Variants in CGAS observed in about 807,000 individuals in gnomAD.
CGAS encodes cyclic GMP-AMP synthase, also known as 2'3'-cGAMP synthase.
A neutral mutation model predicts 34.0 loss-of-function variants in CGAS; 31 were observed. The ratio of observed to expected loss-of-function variants is 0.91; its 90% CI spans 0.69 to 1.23. The LOEUF is 1.23. Ranked by LOEUF, CGAS falls within the 50% of genes most tolerant of loss-of-function variation. The pLI is 0.00. For missense variants in CGAS, 597 were observed against 657.6 expected (o/e 0.91, Z 1.01); for synonymous variants, 266 against 260.0 (o/e 1.02, Z -0.22).
chr6:73,425,139 C>A lies in CGAS; in HGVS notation c.*88G>T. 1.0e-6 allele frequency: 1 copy of A among 987,042 alleles called. No homozygotes were observed. 61.1% of individuals were successfully genotyped at this position (987,042 alleles called of 1,614,324 possible). ...AAGAGCTGGGATTACAGGTGTGAGC[C>A]ACAGCGTCTGGCCCCTTTTCAAATT... is the stretch of plus-strand genomic sequence containing the variant. On this transcript the variant is annotated 3_prime_UTR_variant, in exon 5 of 5. Coordinates refer to ENST00000370315, the MANE Select transcript of CGAS (RefSeq NM_138441.3).
In CGAS at chr6:73,452,022, C is replaced by A. The variant is rs769976348; in HGVS notation, c.160G>T (p.Ala54Ser). The change falls in exon 1 of 5, where the codon GCC becomes TCC. Residue 54 changes from alanine (A) to serine (S), a missense_variant. Ala to Ser is a moderately conservative substitution (Grantham distance 99, BLOSUM62 1). Around this residue, in one of 3 missense-constraint regions of CGAS, gnomAD observed 321 missense variants for 314.3 expected, o/e 1.02. Coordinates refer to ENST00000370315, the MANE Select transcript of CGAS (RefSeq NM_138441.3). Reference sequence around the variant, plus strand: ...TTCTGCCGGGATCCCGACTTCCTGGCGGGGCCGAACTTTCCCGCCTTAGGC... The same window carrying A: ...TTCTGCCGGGATCCCGACTTCCTGGAGGGGCCGAACTTTCCCGCCTTAGGC... The part of the protein sequence containing the change: ...ALPKAGKFGP[A>S]RKSGSRQKKS... 1.3e-6 allele frequency: 2 copies of A among 1,484,564 alleles called. No individual in the cohort carries two copies. The highest frequency in any genetic ancestry group is 9.0e-7 in the Non-Finnish European group (1 of 1,115,492). The allele number at this position is 1,484,564 out of a possible 1,614,324, so 92.0% of individuals were successfully genotyped here.
intron 4 of CGAS, 130 bp downstream of exon 4, chr6:73,428,579 C>G (rs927749416): frequency 8.3e-6 from 6 of 721,522 alleles, no homozygotes; most frequent in Non-Finnish European, 1.1e-5. Flanking sequence ...CACACTCTCC[C>G]CAGCTCAACC....
At chr6:73,426,689 T>A (rs2150808505) in intron 4 of CGAS, among the ~76,000 whole-genome samples, 1 of 152,124 alleles carries the variant, frequency 6.6e-6, no homozygotes, top group African/African-American at 2.4e-5. Flanking sequence ...AAATTTAATA[T>A]AAATTTTTTC....
chr6:73,447,441 G>A (rs921308503), intron 1 of CGAS, among the ~76,000 whole-genome samples: 6 of 151,830 alleles, frequency 4.0e-5, no homozygotes, highest in Non-Finnish European at 7.4e-5. Flanking sequence ...GCACCAACAC[G>A]CCCAGCTAAT....
chr6:73,428,691 A>T lies in CGAS; in HGVS notation c.1217+18T>A, dbSNP rs1255049627. The T allele has an allele frequency of 6.2e-7, 1 of 1,600,602 alleles. No individual in the cohort carries two copies. ...CATACCATAGATAATCTGTCATTTA[A>T]CAAAATAAGGCTGTTACCTGCAACA... On this transcript the variant is annotated intron_variant, in intron 4 of 4. Transcript: ENST00000370315.
chr6:73,435,849 T>A (rs1418249218), intron 3 of CGAS, among the ~76,000 whole-genome samples: 2 of 151,798 alleles, frequency 1.3e-5, no homozygotes, highest in East Asian at 3.8e-4. Context: ...TTTGTATGTA[T>A]ATAAATTACT....
intron 3 of CGAS, among the ~76,000 whole-genome samples, chr6:73,430,478 C>T (rs779235570): frequency 5.9e-5 from 9 of 151,878 alleles, no homozygotes; most frequent in African/African-American, 1.7e-4. Context: ...AGTGTGGTGG[C>T]GTGTGCCTAC....
Position 73,428,779 on chromosome 6 carries a change from CG to C in CGAS, c.1146del (p.Ile382MetfsTer6). The C allele has an allele frequency of 1.2e-6, 2 of 1,613,640 alleles. No individual in the cohort carries two copies. Among genetic ancestry groups the C allele is most frequent in the Non-Finnish European group, 1.7e-6 (2 of 1,179,932 alleles). ...EETWRLSFSH[I>X]EKEILNNHGK... Reference sequence around the variant, plus strand: ...CCATGATTGTTCAAAATTTCCTTTTCGATGTGAGAGAAGGATAGCCGCCATG... The same window carrying C: ...CCATGATTGTTCAAAATTTCCTTTTCATGTGAGAGAAGGATAGCCGCCATG... On this transcript the variant is annotated frameshift_variant, in exon 4 of 5. Coordinates refer to ENST00000370315, the MANE Select transcript of CGAS (RefSeq NM_138441.3). LOFTEE classifies it high-confidence loss of function.
intron 4 of CGAS, among the ~76,000 whole-genome samples, chr6:73,427,208 T>A (rs1770104174): frequency 6.6e-6 from 1 of 152,096 alleles, no homozygotes; most frequent in African/African-American, 2.4e-5. Flanking sequence ...TTAAAGAACC[T>A]CTGTGCCTGC....
Position 73,442,476 on chromosome 6 carries a change from C to T in CGAS, c.878-2031G>A, listed in dbSNP as rs149567496. Among the ~76,000 whole-genome samples the T allele has an allele frequency of 5.8e-3, 873 of 151,720 alleles. 8 individuals are homozygous for T. Among genetic ancestry groups the T allele is most frequent in the Middle Eastern group, 0.028 (8 of 288 alleles). ...AGTGCAGTAGCGTGAACATGGCTCA[C>T]TGCAGCCTCAACCTCCTAGGTTCAA... On this transcript the variant is annotated intron_variant, in intron 2 of 4. Transcript: ENST00000370315.
At chr6:73,440,107 G>T in intron 3 of CGAS, 102 bp downstream of exon 3, 2 of 1,116,042 alleles carry the variant, frequency 1.8e-6, no homozygotes, top group Non-Finnish European at 2.5e-6. Context: ...GATGGCTCTT[G>T]AAATGACAAC....
At chr6:73,446,448 G>A (rs62440615) in intron 1 of CGAS, among the ~76,000 whole-genome samples, 32,994 of 45,484 alleles carry the variant, frequency 0.73, 12,203 homozygotes, top group East Asian at 0.9. Flanking sequence ...AAATCGGGCC[G>A]GGCGCGGTGG....
intron 1 of CGAS, 64 bp downstream of exon 1, chr6:73,451,461 T>A: frequency 6.8e-7 from 1 of 1,479,972 alleles, no homozygotes; most frequent in Non-Finnish European, 9.1e-7. Flanking sequence ...CCGGGGAAGG[T>A]AGGGACTGCG....
At position 73,424,252 on chromosome 6, in the gene CGAS, G is replaced by A. The variant is rs1770045969; in HGVS notation, c.*975C>T. On this transcript the variant is annotated 3_prime_UTR_variant, in exon 5 of 5. Coordinates refer to ENST00000370315, the MANE Select transcript of CGAS (RefSeq NM_138441.3). ...GATCGAGACCATCCTGGCTAACATG[G>A]TGAAACCCCATCTTTACTAAAAATA... is the stretch of plus-strand genomic sequence containing the variant. 1 of 152,052 alleles carries A rather than the reference G, an allele frequency of 6.6e-6. No homozygotes were observed. Among genetic ancestry groups the A allele is most frequent in the South Asian group, 2.1e-4 (1 of 4,814 alleles). The allele number at this position is 152,052 out of a possible 1,614,324, so 9.4% of individuals were successfully genotyped here.
In CGAS at chr6:73,445,673, G is replaced by C. The variant is rs753822606; in HGVS notation, c.732C>G (p.Asn244Lys). 6.2e-7 allele frequency: 1 copy of C among 1,612,694 alleles called. No individual in the cohort carries two copies. ...VPRIQLEEYSNTRAYYFVKFK... is the reference protein window; with the variant it reads ...VPRIQLEEYSKTRAYYFVKFK... ...ATTTCACAAAGTAATATGCACGAGT[G>C]TTGGAATATTCTTCTAGTTGAATTC... The change falls in exon 2 of 5, where the codon AAC becomes AAG. Residue 244 changes from asparagine (N) to lysine (K), a missense_variant. Asn to Lys is a moderately conservative substitution (Grantham distance 94, BLOSUM62 0). Around this residue, in one of 3 missense-constraint regions of CGAS, gnomAD observed 271 missense variants for 324.1 expected, o/e 0.84. Coordinates refer to ENST00000370315, the MANE Select transcript of CGAS (RefSeq NM_138441.3).
In CGAS at chr6:73,452,094, C is replaced by G. The variant is rs1314973747; in HGVS notation, c.88G>C (p.Ala30Pro). 1.9e-6 allele frequency: 3 copies of G among 1,584,420 alleles called. No individual in the cohort carries two copies. The Admixed American group carries it at 5.4e-5, about 28-fold the overall frequency. Residue 30 changes from alanine to proline, a missense_variant, in exon 1 of 5, where the codon GCC becomes CCC. This residue lies in a region of CGAS where 321 missense variants were observed against 314.3 expected (regional missense o/e 1.02). Coordinates refer to ENST00000370315, the MANE Select transcript of CGAS (RefSeq NM_138441.3). ...GGAGACTCGGTGGGATCCATCGGGGCGCCCCTGGCATTCCGTGCGGAAGCC... is the reference window on the plus strand; with the variant it reads ...GGAGACTCGGTGGGATCCATCGGGGGGCCCCTGGCATTCCGTGCGGAAGCC... ...PKASARNARG[A>P]PMDPTESPAA...
In CGAS at chr6:73,428,929, G is replaced by A. The variant is rs534422230; in HGVS notation, c.1115-118C>T. 2.1e-4 allele frequency: 184 copies of A among 859,728 alleles called. No homozygotes were observed. The African/African-American group carries it at 2.9e-3, about 13-fold the overall frequency. 53.3% of individuals were successfully genotyped at this position (859,728 alleles called of 1,614,324 possible). On this transcript the variant is annotated intron_variant, in intron 3 of 4. Transcript: ENST00000370315. Reference sequence around the variant, plus strand: ...GGGCTGGGCATGGGGGCTCACGCCTGTAATCTCAGTACTTTGGGAGGCCGA... The same window carrying A: ...GGGCTGGGCATGGGGGCTCACGCCTATAATCTCAGTACTTTGGGAGGCCGA...
In CGAS at chr6:73,428,610, G is replaced by C. The variant is rs908872804; in HGVS notation, c.1217+99C>G. On this transcript the variant is annotated intron_variant, in intron 4 of 4. Transcript: ENST00000370315. ...CAACCCAATCCTGCCCTGCCCCCCA[G>C]ACCCAACCCAGCTCAGCTCTTCAGG... is the stretch of plus-strand genomic sequence containing the variant. 1.2e-5 allele frequency: 14 copies of C among 1,122,556 alleles called. No individual in the cohort carries two copies. In the African/African-American group the frequency reaches 1.3e-4, roughly 10 times the overall value. The allele number at this position is 1,122,556 out of a possible 1,614,324, so 69.5% of individuals were successfully genotyped here. A position where few individuals can be genotyped will look rare whatever the true frequency, so the allele number is the denominator to read the frequency against.
At position 73,423,742 on chromosome 6, in the gene CGAS, T is replaced by C. The variant is rs1165471968; in HGVS notation, c.*1485A>G. 1 of 152,088 alleles carries C rather than the reference T, an allele frequency of 6.6e-6. No individual in the cohort carries two copies. The highest frequency in any genetic ancestry group is 1.5e-5 in the Non-Finnish European group (1 of 68,024). The allele number at this position is 152,088 out of a possible 1,614,324, so 9.4% of individuals were successfully genotyped here. ...TCAACTCCAATTTATTCTCAAAAGC[T>C]TGAATGAGAAAAGAAATCAACTCCA... On this transcript the variant is annotated 3_prime_UTR_variant, in exon 5 of 5. Coordinates refer to ENST00000370315, the MANE Select transcript of CGAS (RefSeq NM_138441.3).
Sources: allele counts gnomAD v4.1 joint callset (sites outside exome capture counted in the v4.1 genomes callset), GRCh38; gene constraint gnomAD v4.1.1; regional missense constraint gnomAD v4.1.1; transcripts MANE v1.5; gene names NCBI Gene and HGNC (gene_info 2026-07-23, HGNC 2026-07-21).